Variants in RALYL observed in about 807,000 individuals in gnomAD.
RALYL encodes RALY RNA binding protein like.
RALYL carries 29 observed loss-of-function variants against 35.1 expected under a neutral mutation model. That is an observed-to-expected ratio of 0.83 (90% CI 0.61 to 1.13). The LOEUF (loss-of-function observed/expected upper bound fraction) is 1.13. Among genes scored for constraint, RALYL ranks in the 50% most tolerant of loss-of-function variants. The probability of loss-of-function intolerance (pLI) is 0.00; values close to 1 mark genes in which losing one functional copy is unlikely to be tolerated. For synonymous variants in RALYL, 120 were observed against 127.6 expected (o/e 0.94, Z 0.40); for missense variants, 359 against 360.4 (o/e 1.00, Z 0.03).
intron 1 of RALYL, among the ~76,000 whole-genome samples, chr8:84,248,705 T>C (rs1253317492): frequency 2.0e-5 from 3 of 152,134 alleles, no homozygotes; most frequent in African/African-American, 4.8e-5. Context: ...GTTGAGAATC[T>C]ATCATATTGA....
At chr8:84,245,314 T>A (rs758039302) in intron 1 of RALYL, among the ~76,000 whole-genome samples, 2 of 152,174 alleles carry the variant, frequency 1.3e-5, no homozygotes, top group Non-Finnish European at 1.5e-5. Flanking sequence ...TTGAGAAGTT[T>A]CTCCTCATAA....
intron 2 of RALYL, among the ~76,000 whole-genome samples, chr8:84,616,061 T>G (rs1359858282): frequency 1.3e-5 from 1 of 75,422 alleles, no homozygotes; most frequent in Admixed American, 1.4e-4. Context: ...AACATACGTG[T>G]GCATGTGTCT....
intron 2 of RALYL, among the ~76,000 whole-genome samples, chr8:84,673,746 G>A (rs1833694166): frequency 6.6e-6 from 1 of 152,070 alleles, no homozygotes; most frequent in South Asian, 2.1e-4. Flanking sequence ...CTATGTGTCT[G>A]TTCTTCCAGT....
At chr8:84,514,090 TAAAAAAAA>T (rs57881021) in intron 1 of RALYL, among the ~76,000 whole-genome samples, 16 of 41,176 alleles carry the variant, frequency 3.9e-4, no homozygotes, top group Admixed American at 3.4e-3. Flanking sequence ...AGATTTCATC[TAAAAAAAA>T]AAAAAAAAAA....
At chr8:84,389,438 T>G (rs1476302411) in intron 1 of RALYL, among the ~76,000 whole-genome samples, 15 of 152,030 alleles carry the variant, frequency 9.9e-5, no homozygotes, top group African/African-American at 3.4e-4. Context: ...TTGGGCAGTA[T>G]GGCCACTTTC....
At chr8:84,737,989 C>T (rs935536130) in intron 2 of RALYL, among the ~76,000 whole-genome samples, 1 of 151,980 alleles carries the variant, frequency 6.6e-6, no homozygotes, top group Non-Finnish European at 1.5e-5. Context: ...CCAAACAGAC[C>T]AAGACCATGT....
At chr8:84,188,362 CAGAAAGTA>C (rs1297973319) in intron 1 of RALYL, among the ~76,000 whole-genome samples, 1 of 151,928 alleles carries the variant, frequency 6.6e-6, no homozygotes, top group Non-Finnish European at 1.5e-5. Context: ...TATGGACTTC[CAGAAAGTA>C]AATAATAACA....
intron 1 of RALYL, among the ~76,000 whole-genome samples, chr8:84,328,819 C>A (rs1337538586): frequency 6.6e-6 from 1 of 152,004 alleles, no homozygotes; most frequent in Non-Finnish European, 1.5e-5. Context: ...CCATGAATGC[C>A]CAGTGTTTAG....
At chr8:84,622,662 G>A (rs1321433242) in intron 2 of RALYL, among the ~76,000 whole-genome samples, 1 of 152,088 alleles carries the variant, frequency 6.6e-6, no homozygotes, top group Non-Finnish European at 1.5e-5. Context: ...TTTCTATTTA[G>A]TTTCCTTGCT....
At chr8:84,507,305 A>C (rs2057257114) in intron 1 of RALYL, among the ~76,000 whole-genome samples, 1 of 152,082 alleles carries the variant, frequency 6.6e-6, no homozygotes, top group Admixed American at 6.6e-5. Flanking sequence ...TGGGTTTGTG[A>C]AACATGAACA....
chr8:84,646,222 C>G (rs142548564), intron 2 of RALYL, among the ~76,000 whole-genome samples: 2,461 of 150,854 alleles, frequency 0.016, 32 homozygotes, highest in South Asian at 0.029. Flanking sequence ...GGTTGTTTTT[C>G]TCTTTATTCA....
intron 2 of RALYL, among the ~76,000 whole-genome samples, chr8:84,573,721 C>G (rs1808617051): frequency 6.6e-6 from 1 of 151,774 alleles, no homozygotes; most frequent in Non-Finnish European, 1.5e-5. Flanking sequence ...ATTTATCTTT[C>G]TCTCTTCTTC....
intron 1 of RALYL, among the ~76,000 whole-genome samples, chr8:84,302,148 CACTT>C (rs1158737949): frequency 6.6e-6 from 1 of 152,100 alleles, no homozygotes; most frequent in African/African-American, 2.4e-5. Flanking sequence ...GATGTGGAGT[CACTT>C]ACCCCATCTT....
At chr8:84,633,569 T>C (rs1824394069) in intron 2 of RALYL, among the ~76,000 whole-genome samples, 1 of 151,872 alleles carries the variant, frequency 6.6e-6, no homozygotes, top group African/African-American at 2.4e-5. Context: ...GAGATAATAG[T>C]AACAAATCAG....
At chr8:84,243,138 A>G (rs893175338) in intron 1 of RALYL, among the ~76,000 whole-genome samples, 8 of 152,044 alleles carry the variant, frequency 5.3e-5, no homozygotes, top group Non-Finnish European at 1.2e-4. Context: ...TTAGATGTGA[A>G]GTCTTATTTC....
intron 2 of RALYL, among the ~76,000 whole-genome samples, chr8:84,663,007 A>G (rs547971585): frequency 2.0e-5 from 3 of 151,958 alleles, no homozygotes; most frequent in South Asian, 2.1e-4. Context: ...CAACAGGCTC[A>G]AGTGTGGGTT....
At chr8:84,649,031 T>C (rs1481209216) in intron 2 of RALYL, among the ~76,000 whole-genome samples, 5 of 151,980 alleles carry the variant, frequency 3.3e-5, no homozygotes, top group African/African-American at 4.8e-5. Context: ...TTTCTCACAG[T>C]GATATCTTAT....
intron 2 of RALYL, among the ~76,000 whole-genome samples, chr8:84,542,374 A>C (rs1181121206): frequency 6.6e-6 from 1 of 152,142 alleles, no homozygotes; most frequent in Non-Finnish European, 1.5e-5. Flanking sequence ...ATGTAAATAC[A>C]TACATTATAA....
chr8:84,202,155 G>A lies in RALYL; in HGVS notation c.-24+17731G>A, dbSNP rs138583702. 2.7e-3 allele frequency among the ~76,000 whole-genome samples: 397 copies of A among 148,364 alleles called. 3 individuals carry two copies. The highest frequency in any genetic ancestry group is 4.9e-3 in the Admixed American group (73 of 14,788). On this transcript the variant is annotated intron_variant, in intron 1 of 8. Coordinates refer to ENST00000521268, the MANE Select transcript of RALYL (RefSeq NM_173848.7). ...TATTTTACTGTAATATTGCAGTTTT[G>A]TATGCACTTTTATTTTATATGAATT...
Sources: allele counts gnomAD v4.1 joint callset (sites outside exome capture counted in the v4.1 genomes callset), GRCh38; gene constraint gnomAD v4.1.1; transcripts MANE v1.5; gene names NCBI Gene and HGNC (gene_info 2026-07-23, HGNC 2026-07-21).